DCHS2: variants seen among roughly 807,000 people sequenced by gnomAD.
The protein encoded by DCHS2 is protocadherin-23.
Under a neutral mutation model 182.4 loss-of-function variants are expected in DCHS2, and 142 were observed. The observed-to-expected ratio is 0.78, with a 90% CI of 0.68 to 0.89. DCHS2 has a LOEUF of 0.89. DCHS2 is among the 40% of genes least tolerant of loss of function. DCHS2 has a pLI of 0.00. For synonymous variants in DCHS2, 1,740 were observed against 1,663.3 expected (o/e 1.05, Z -1.12); for missense variants, 4,319 against 4,198.6 (o/e 1.03, Z -0.79).
At chr4:154,305,643 T>C (rs1561028396) in intron 10 of DCHS2, among the ~76,000 whole-genome samples, 1 of 152,234 alleles carries the variant, frequency 6.6e-6, no homozygotes, top group Admixed American at 6.5e-5. Flanking sequence ...TGCTAAGTTA[T>C]AGAACTCTGT....
At chr4:154,476,050 A>C (rs1203654404) in intron 1 of DCHS2, among the ~76,000 whole-genome samples, 3 of 152,204 alleles carry the variant, frequency 2.0e-5, no homozygotes, top group Non-Finnish European at 2.9e-5. Flanking sequence ...ACAAGAGGAA[A>C]TATATCTACT....
chr4:154,335,039 C>T lies in DCHS2; in HGVS notation c.2542G>A (p.Ala848Thr), dbSNP rs1436939113. ...ESTTLSLMVSAQDGGGLTAVI... is the reference protein window; with the variant it reads ...ESTTLSLMVSTQDGGGLTAVI... Reference sequence around the variant, plus strand: ...GCTGTGAGCCCACCACCGTCTTGAGCAGAGACCATCAACGAAAGTGTGGTA... The same window carrying T: ...GCTGTGAGCCCACCACCGTCTTGAGTAGAGACCATCAACGAAAGTGTGGTA... Residue 848 changes from alanine (A) to threonine (T), a missense_variant, in exon 4 of 20, where the codon GCT becomes ACT. Physicochemically the swap from Ala to Thr is moderately conservative, Grantham distance 58 (BLOSUM62 0). Coordinates refer to ENST00000357232, the MANE Select transcript of DCHS2 (RefSeq NM_001358235.2). The T allele has an allele frequency of 6.2e-7, 1 of 1,613,956 alleles. No individual in the cohort carries two copies. The highest frequency in any genetic ancestry group is 8.5e-7 in the Non-Finnish European group (1 of 1,179,854).
intron 2 of DCHS2, 140 bp from the exon 3 acceptor site, chr4:154,366,581 C>T: frequency 1.6e-6 from 1 of 631,356 alleles, no homozygotes; most frequent in Non-Finnish European, 2.9e-6. Flanking sequence ...TGTGTGTATA[C>T]ACATATACAC....
intron 1 of DCHS2, among the ~76,000 whole-genome samples, chr4:154,389,516 T>TTATA (rs72440696): frequency 0.016 from 1,780 of 111,186 alleles, 141 homozygotes; most frequent in Non-Finnish European, 0.028. Context: ...AAGACAAAGG[T>TTATA]TATATATATA....
At chr4:154,464,508 T>C (rs879510345) in intron 1 of DCHS2, among the ~76,000 whole-genome samples, 1 of 152,126 alleles carries the variant, frequency 6.6e-6, no homozygotes, top group Non-Finnish European at 1.5e-5. Flanking sequence ...TATATTAATA[T>C]AGAACAGAAA....
chr4:154,270,613 T>C (rs900307278), intron 13 of DCHS2, among the ~76,000 whole-genome samples: 9 of 151,814 alleles, frequency 5.9e-5, no homozygotes, highest in African/African-American at 2.2e-4. Context: ...AAATATGATT[T>C]GCTTTTTAAA....
At chr4:154,465,951 T>C (rs1351376608) in intron 1 of DCHS2, among the ~76,000 whole-genome samples, 1 of 152,224 alleles carries the variant, frequency 6.6e-6, no homozygotes, top group Non-Finnish European at 1.5e-5. Flanking sequence ...GCTTCAGATA[T>C]TAAAGCTGCA....
intron 3 of DCHS2, among the ~76,000 whole-genome samples, chr4:154,343,948 C>T (rs1304298676): frequency 6.6e-6 from 1 of 152,150 alleles, no homozygotes; most frequent in Non-Finnish European, 1.5e-5. Context: ...GAGAGATATG[C>T]CACTCTTCCT....
At position 154,282,058 on chromosome 4, in the gene DCHS2, G is replaced by A. The variant is rs74576219; in HGVS notation, c.6464-12045C>T. Among the ~76,000 whole-genome samples the A allele has an allele frequency of 2.7e-3, 408 of 152,164 alleles. 2 individuals carry two copies. The highest frequency in any genetic ancestry group is 9.3e-3 in the African/African-American group (386 of 41,536). On this transcript the variant is annotated intron_variant, in intron 13 of 19. Coordinates refer to ENST00000357232, the MANE Select transcript of DCHS2 (RefSeq NM_001358235.2). The stretch of plus-strand genomic sequence containing the variant: ...ATGGATTAGAGACTTAAATGTAAGA[G>A]CTGAAACTCCAAAATTAATATAATA...
At chr4:154,291,925 T>A (rs1734684226) in intron 13 of DCHS2, among the ~76,000 whole-genome samples, 1 of 152,096 alleles carries the variant, frequency 6.6e-6, no homozygotes, top group African/African-American at 2.4e-5. Flanking sequence ...AATAATTTAT[T>A]GTACATGTAA....
chr4:154,301,580 A>G (rs1218565069), intron 12 of DCHS2, among the ~76,000 whole-genome samples: 12 of 152,098 alleles, frequency 7.9e-5, no homozygotes, highest in Non-Finnish European at 1.6e-4. Context: ...ATCTCAGCTC[A>G]CCTCAACCTC....
chr4:154,442,860 T>A (rs1184573256), intron 1 of DCHS2, among the ~76,000 whole-genome samples: 1 of 152,052 alleles, frequency 6.6e-6, no homozygotes, highest in Non-Finnish European at 1.5e-5. Context: ...CATAGATAAC[T>A]CATCCAGAAC....
chr4:154,347,967 T>C (rs187312424), intron 3 of DCHS2, among the ~76,000 whole-genome samples: 2 of 152,122 alleles, frequency 1.3e-5, no homozygotes, highest in Admixed American at 1.3e-4. Flanking sequence ...GTCCCACTAC[T>C]GTAGGTGGCA....
chr4:154,410,003 C>T (rs1732555518), intron 1 of DCHS2, among the ~76,000 whole-genome samples: 1 of 152,086 alleles, frequency 6.6e-6, no homozygotes, highest in Admixed American at 6.6e-5. Context: ...CACACTAAGA[C>T]CCACCTGTAG....
At chr4:154,481,913 GAACGAGCAAACCT>G in intron 1 of DCHS2, among the ~76,000 whole-genome samples, 1 of 152,096 alleles carries the variant, frequency 6.6e-6, no homozygotes, top group South Asian at 2.1e-4. Flanking sequence ...GAAATAATGA[GAACGAGCAAACCT>G]CTTCCATCCT....
At chr4:154,334,026 A>G (rs1279453373) in intron 4 of DCHS2, 1 of 153,558 alleles carries the variant, frequency 6.5e-6, no homozygotes, top group African/African-American at 2.4e-5. Flanking sequence ...AGAATGTCCA[A>G]TGGGCAAAGA....
chr4:154,275,267 G>T (rs1733791929), intron 13 of DCHS2, among the ~76,000 whole-genome samples: 1 of 151,938 alleles, frequency 6.6e-6, no homozygotes, highest in African/African-American at 2.4e-5. Flanking sequence ...AATTTGTTAA[G>T]GAAAAAGAGC....
At chr4:154,330,522 G>A (rs6830115) in intron 5 of DCHS2, among the ~76,000 whole-genome samples, 8,429 of 152,084 alleles carry the variant, frequency 0.055, 655 homozygotes, top group African/African-American at 0.17. Flanking sequence ...ACAAGCACTC[G>A]GTCCAATAGC....
intron 10 of DCHS2, among the ~76,000 whole-genome samples, chr4:154,311,031 A>G (rs1052147747): frequency 4.2e-5 from 6 of 142,322 alleles, no homozygotes; most frequent in Admixed American, 2.8e-4. Flanking sequence ...TAAAATATTT[A>G]CTATCTGGTC....
Sources: allele counts gnomAD v4.1 joint callset (sites outside exome capture counted in the v4.1 genomes callset), GRCh38; gene constraint gnomAD v4.1.1; transcripts MANE v1.5; gene names NCBI Gene and HGNC (gene_info 2026-07-23, HGNC 2026-07-21).